CDH23: variants seen among roughly 807,000 people sequenced by gnomAD.
The protein encoded by CDH23 is cadherin-23.
In CDH23, 189 loss-of-function variants were observed where a neutral mutation model predicts 317.1. The ratio of observed to expected loss-of-function variants is 0.60; its 90% confidence interval spans 0.53 to 0.67. The LOEUF (loss-of-function observed/expected upper bound fraction) is 0.67, where lower values mean the gene tolerates loss of function less well. Among genes scored for constraint, CDH23 ranks in the 30% least tolerant of loss-of-function variants. The probability of loss-of-function intolerance (pLI) is 0.00; values close to 1 mark genes in which losing one functional copy is unlikely to be tolerated. For synonymous variants in CDH23, 1,839 were observed against 1,876.8 expected (o/e 0.98, Z 0.52); for missense variants, 4,401 against 4,592.4 (o/e 0.96, Z 1.20).
rs376632111 is a variant in CDH23 at position 71,809,925 on chromosome 10, C to T, written c.8828C>T (p.Thr2943Met). ...CGAGACCTGGCAGGCCACAACGACA[C>T]GGCCATCATCGGCATCTACATCCTG... ...VARDLAGHND[T>M]AIIGIYILRD... Residue 2943 changes from threonine to methionine, a missense_variant, in exon 61 of 70, where the codon ACG becomes ATG. Physicochemically the swap from Thr to Met is moderately conservative, Grantham distance 81. Around this residue, in one of 3 missense-constraint regions of CDH23, gnomAD observed 1,144 missense variants for 1,138.2 expected, o/e 1.01. Transcript: ENST00000224721. The T allele has an allele frequency of 3.5e-5, 57 of 1,612,730 alleles. No homozygotes were observed. The East Asian group carries it at 3.6e-4, about 10-fold the overall frequency.
At chr10:71,429,901 C>T (rs1185152822) in intron 1 of CDH23, among the ~76,000 whole-genome samples, 2 of 152,186 alleles carry the variant, frequency 1.3e-5, no homozygotes, top group Non-Finnish European at 2.9e-5. Flanking sequence ...AGCTGTCCCA[C>T]GCAGCTGAGA....
intron 69 of CDH23, among the ~76,000 whole-genome samples, chr10:71,813,990 A>G (rs1046072222): frequency 6.6e-6 from 1 of 152,242 alleles, no homozygotes; most frequent in Non-Finnish European, 1.5e-5. Flanking sequence ...CAACACTTAC[A>G]AAAGTCAGGC....
chr10:71,497,390 AC>A (rs938939865), intron 3 of CDH23, among the ~76,000 whole-genome samples: 10 of 152,116 alleles, frequency 6.6e-5, no homozygotes, highest in African/African-American at 2.4e-4. Flanking sequence ...CTGAGACAAG[AC>A]TTCAACCCTC....
At chr10:71,738,404 G>A in intron 34 of CDH23, 94 bp from the exon 35 acceptor site, 3 of 1,451,634 alleles carry the variant, frequency 2.1e-6, no homozygotes, top group Non-Finnish European at 2.9e-6. Context: ...AACCCACTGG[G>A]GATCTGGTCC....
chr10:71,466,398 GA>G (rs1457179069), intron 3 of CDH23, among the ~76,000 whole-genome samples: 2 of 152,044 alleles, frequency 1.3e-5, no homozygotes, highest in Admixed American at 6.5e-5. Context: ...GTGATAGTAA[GA>G]ATGTGTACCT....
chr10:71,565,503 T>C (rs1005728454), intron 6 of CDH23, among the ~76,000 whole-genome samples: 14 of 152,052 alleles, frequency 9.2e-5, no homozygotes, highest in Admixed American at 7.2e-4. Context: ...AGCCCGGGGA[T>C]TGGGGAAAGG....
chr10:71,584,542 C>CTG (rs138103081), intron 9 of CDH23, among the ~76,000 whole-genome samples: 20,255 of 145,662 alleles, frequency 0.14, 1,676 homozygotes, highest in East Asian at 0.25. Context: ...GAAGGGAAGT[C>CTG]TGTGTGTGTG....
chr10:71,626,590 C>G (rs1328552019), intron 11 of CDH23, among the ~76,000 whole-genome samples: 1 of 152,170 alleles, frequency 6.6e-6, no homozygotes, highest in African/African-American at 2.4e-5. Context: ...CTCAACTCTC[C>G]CCACCTGCTG....
chr10:71,465,875 G>A (rs905986242), intron 3 of CDH23, among the ~76,000 whole-genome samples: 13 of 151,646 alleles, frequency 8.6e-5, no homozygotes, highest in African/African-American at 3.2e-4. Context: ...CAAGGGGAGA[G>A]GAAGAAAACA....
chr10:71,733,584 G>A (rs895340362), intron 32 of CDH23, among the ~76,000 whole-genome samples: 3 of 152,116 alleles, frequency 2.0e-5, no homozygotes, highest in Admixed American at 6.5e-5. Context: ...AGGAACCAGG[G>A]ACAGAGACCA....
intron 6 of CDH23, among the ~76,000 whole-genome samples, chr10:71,540,122 A>G (rs920298104): frequency 2.0e-5 from 3 of 152,192 alleles, no homozygotes; most frequent in Non-Finnish European, 2.9e-5. Flanking sequence ...GGCATAGGCC[A>G]TCTCAGATGT....
chr10:71,563,755 T>C (rs1857251651), intron 6 of CDH23, among the ~76,000 whole-genome samples: 5 of 151,148 alleles, frequency 3.3e-5, no homozygotes, highest in Admixed American at 1.3e-4. Flanking sequence ...TCTTTTTTTT[T>C]TTTTCTTTTT....
At chr10:71,546,754 A>G (rs930350610) in intron 6 of CDH23, among the ~76,000 whole-genome samples, 1 of 152,196 alleles carries the variant, frequency 6.6e-6, no homozygotes, top group African/African-American at 2.4e-5. Flanking sequence ...GGGAACTAGG[A>G]CACAGGTGCA....
chr10:71,652,581 G>C (rs147576844), intron 14 of CDH23, among the ~76,000 whole-genome samples: 6 of 152,220 alleles, frequency 3.9e-5, no homozygotes, highest in Admixed American at 3.9e-4. Context: ...ACAAGACACC[G>C]GGCCTCAGTT....
rs368781470 is a variant in CDH23, at chr10:71,803,317, C to T, written c.7769C>T (p.Pro2590Leu). ...GTGGCCACAGATGGTGGAGAGCCCC[C>T]ACTCTGGGGCACCACCATGCTCCTG... ...TVVATDGGEPPLWGTTMLLVE... is the reference protein window; with the variant it reads ...TVVATDGGEPLLWGTTMLLVE... Residue 2590 changes from proline to leucine, a missense_variant, in exon 55 of 70, where the codon CCA (proline) becomes CTA (leucine). Physicochemically the swap from Pro to Leu is moderately conservative, Grantham distance 98 (BLOSUM62 -3). This residue lies in a region of CDH23 where 1,144 missense variants were observed against 1,138.2 expected (regional missense o/e 1.01). Coordinates refer to ENST00000224721, the MANE Select transcript of CDH23 (RefSeq NM_022124.6). 5.7e-6 allele frequency: 9 copies of T among 1,591,994 alleles called. No individual in the cohort carries two copies. Among genetic ancestry groups the T allele is most frequent in the Non-Finnish European group, 6.8e-6 (8 of 1,169,326 alleles).
At chr10:71,514,115 T>C (rs1854144019) in intron 6 of CDH23, among the ~76,000 whole-genome samples, 3 of 151,632 alleles carry the variant, frequency 2.0e-5, no homozygotes, top group Non-Finnish European at 4.4e-5. Flanking sequence ...ATCCCTGGAG[T>C]TATGCAAGCA....
At chr10:71,519,311 C>T (rs977200385) in intron 6 of CDH23, among the ~76,000 whole-genome samples, 7 of 152,222 alleles carry the variant, frequency 4.6e-5, no homozygotes, top group Non-Finnish European at 4.4e-5. Context: ...CAGTGTTGGG[C>T]TGTCAGCCTC....
At chr10:71,641,898 C>T (rs1008848021) in intron 11 of CDH23, among the ~76,000 whole-genome samples, 1 of 151,958 alleles carries the variant, frequency 6.6e-6, no homozygotes, top group Non-Finnish European at 1.5e-5. Context: ...GGCCAACAGG[C>T]GAAAACCCGT....
chr10:71,693,057 C>A (rs140315293), intron 20 of CDH23, among the ~76,000 whole-genome samples: 3 of 152,350 alleles, frequency 2.0e-5, no homozygotes, highest in African/African-American at 4.8e-5. Context: ...GAATTCAAAT[C>A]CACATCTCAC....
Sources: allele counts gnomAD v4.1 joint callset (sites outside exome capture counted in the v4.1 genomes callset), GRCh38; gene constraint gnomAD v4.1.1; regional missense constraint gnomAD v4.1.1; transcripts MANE v1.5; gene names NCBI Gene and HGNC (gene_info 2026-07-23, HGNC 2026-07-21).